Variants in PLXDC2 observed in about 807,000 individuals in gnomAD.
The protein encoded by PLXDC2 is plexin domain-containing protein 2.
In PLXDC2, 40 loss-of-function variants were observed where a neutral mutation model predicts 68.9. That is an observed-to-expected ratio of 0.58 (90% CI 0.45 to 0.76). The LOEUF is 0.76. Among genes scored for constraint, PLXDC2 ranks in the 30% least tolerant of loss-of-function variants. The pLI, the probability that PLXDC2 is intolerant of heterozygous loss-of-function variation, is 0.00. For missense variants in PLXDC2, 644 were observed against 661.9 expected (o/e 0.97, Z 0.30); for synonymous variants, 243 against 234.2 (o/e 1.04, Z -0.34).
At chr10:20,071,442 A>C (rs1374441490) in intron 4 of PLXDC2, among the ~76,000 whole-genome samples, 1 of 152,196 alleles carries the variant, frequency 6.6e-6, no homozygotes, top group Non-Finnish European at 1.5e-5. Context: ...AGGTAATTGA[A>C]TCATGGGGGC....
intron 7 of PLXDC2, 124 bp downstream of exon 7, chr10:20,164,691 T>C (rs1357637595): frequency 1.4e-6 from 1 of 737,208 alleles, no homozygotes; most frequent in Non-Finnish European, 2.4e-6. Context: ...TGATTAATGC[T>C]TGTTAATTCT....
chr10:19,857,324 C>A (rs1373551758), intron 1 of PLXDC2, among the ~76,000 whole-genome samples: 1 of 152,154 alleles, frequency 6.6e-6, no homozygotes, highest in African/African-American at 2.4e-5. Flanking sequence ...TCTCGCTGTC[C>A]TCTACATCTG....
intron 9 of PLXDC2, among the ~76,000 whole-genome samples, chr10:20,191,418 A>G (rs1443358159): frequency 6.6e-6 from 1 of 151,752 alleles, no homozygotes; most frequent in Non-Finnish European, 1.5e-5. Context: ...TTCTAATGAT[A>G]GGTTTTCTTA....
intron 3 of PLXDC2, among the ~76,000 whole-genome samples, chr10:20,055,160 T>G (rs1835974693): frequency 6.6e-6 from 1 of 152,066 alleles, no homozygotes; most frequent in Non-Finnish European, 1.5e-5. Context: ...ACTTTTTATG[T>G]GTTGATTGTT....
At chr10:19,986,325 G>A (rs1432264888) in intron 1 of PLXDC2, among the ~76,000 whole-genome samples, 1 of 151,996 alleles carries the variant, frequency 6.6e-6, no homozygotes, top group Non-Finnish European at 1.5e-5. Context: ...TTAGAAACTG[G>A]AATTTACATA....
Position 19,816,887 on chromosome 10 carries a change from G to C in PLXDC2, c.-193G>C, listed in dbSNP as rs1036989727. ...AGAGAGCCTCAGAGGTCCGAAGAGC[G>C]CTGCGCTCCTACTCGCGTTCGCTTC... is the stretch of plus-strand genomic sequence containing the variant. On this transcript the variant is annotated 5_prime_UTR_variant, in exon 1 of 14. Transcript: ENST00000377252. 3.3e-6 allele frequency: 2 copies of C among 598,516 alleles called. No individual in the cohort carries two copies. Among genetic ancestry groups the C allele is most frequent in the Non-Finnish European group, 5.9e-6 (2 of 336,588 alleles). 37.1% of individuals were successfully genotyped at this position (598,516 alleles called of 1,614,324 possible). A position where few individuals can be genotyped will look rare whatever the true frequency, so the allele number is the denominator to read the frequency against.
chr10:19,999,394 T>G (rs1025086751), intron 1 of PLXDC2, among the ~76,000 whole-genome samples: 3 of 152,204 alleles, frequency 2.0e-5, no homozygotes, highest in South Asian at 4.1e-4. Flanking sequence ...GTGTTTGTTT[T>G]TTTTTTTTCT....
At position 20,286,059 on chromosome 10, in the gene PLXDC2, A is replaced by T. The variant is rs1481098945; in HGVS notation, c.*6240A>T. 4 of 152,232 alleles carry T rather than the reference A, an allele frequency of 2.6e-5. No individual in the cohort carries two copies. The East Asian group carries it at 7.7e-4, about 29-fold the overall frequency. The allele number at this position is 152,232 out of a possible 1,614,324, so 9.4% of individuals were successfully genotyped here. A position where few individuals can be genotyped will look rare whatever the true frequency, so the allele number is the denominator to read the frequency against. ...AGTAAAATGGTAATTATTCAAGTAAAGTCACATAATTTCTGGAGTCAGTTT... is the reference window on the plus strand; with the variant it reads ...AGTAAAATGGTAATTATTCAAGTAATGTCACATAATTTCTGGAGTCAGTTT... On this transcript the variant is annotated 3_prime_UTR_variant, in exon 14 of 14. Coordinates refer to ENST00000377252, the MANE Select transcript of PLXDC2 (RefSeq NM_032812.9).
At chr10:20,111,760 G>A (rs1218788909) in intron 4 of PLXDC2, among the ~76,000 whole-genome samples, 1 of 152,160 alleles carries the variant, frequency 6.6e-6, no homozygotes, top group Non-Finnish European at 1.5e-5. Flanking sequence ...CAGAGGACAA[G>A]TATTTTGAGA....
intron 1 of PLXDC2, among the ~76,000 whole-genome samples, chr10:19,844,987 A>G (rs1836979496): frequency 6.6e-6 from 1 of 152,172 alleles, no homozygotes; most frequent in South Asian, 2.1e-4. Context: ...TAATTGTACA[A>G]GAAAATATCT....
At chr10:20,072,117 T>G (rs1010487822) in intron 4 of PLXDC2, among the ~76,000 whole-genome samples, 5 of 151,544 alleles carry the variant, frequency 3.3e-5, no homozygotes, top group Admixed American at 2.0e-4. Flanking sequence ...GAGGCCGAGG[T>G]GGGCGGATCA....
At chr10:20,026,155 T>G (rs1835398526) in intron 2 of PLXDC2, among the ~76,000 whole-genome samples, 1 of 129,166 alleles carries the variant, frequency 7.7e-6, no homozygotes, top group Admixed American at 8.0e-5. Flanking sequence ...TAGATTATGT[T>G]ATTAAGGTTT....
rs1445884428 is a variant in PLXDC2 at position 20,044,209 on chromosome 10, CTGTCTTTCTTTCTT to C, written c.325-2658_325-2645del. 5.4e-3 allele frequency among the ~76,000 whole-genome samples: 499 copies of C among 91,568 alleles called. 11 individuals carry two copies. Among genetic ancestry groups the C allele is most frequent in the African/African-American group, 0.012 (247 of 20,594 alleles). The allele number at this position is 91,568 out of a possible 152,430, so 60.1% of individuals were successfully genotyped here. ...TCTTTCTTTCTCTCTCTCTCTCTCT[CTGTCTTTCTTTCTT>C]TCTTTCTTTCTTTCTTTCTTTCTTT... On this transcript the variant is annotated intron_variant, in intron 2 of 13. Transcript: ENST00000377252.
chr10:19,879,465 C>G (rs967675980), intron 1 of PLXDC2, among the ~76,000 whole-genome samples: 8 of 152,004 alleles, frequency 5.3e-5, no homozygotes, highest in African/African-American at 1.9e-4. Flanking sequence ...CAAATTGTGC[C>G]ATTATTTATT....
At chr10:19,877,377 A>G (rs1377726679) in intron 1 of PLXDC2, among the ~76,000 whole-genome samples, 2 of 152,216 alleles carry the variant, frequency 1.3e-5, no homozygotes, top group Non-Finnish European at 2.9e-5. Flanking sequence ...CTTCGCCCCC[A>G]TAACTCAGTC....
At chr10:20,111,049 C>T (rs1194371846) in intron 4 of PLXDC2, among the ~76,000 whole-genome samples, 1 of 152,152 alleles carries the variant, frequency 6.6e-6, no homozygotes, top group South Asian at 2.1e-4. Context: ...TTCTCTCCTG[C>T]CTAGTTATAC....
At chr10:20,092,921 C>T (rs1833299260) in intron 4 of PLXDC2, among the ~76,000 whole-genome samples, 1 of 152,132 alleles carries the variant, frequency 6.6e-6, no homozygotes, top group Non-Finnish European at 1.5e-5. Context: ...AACACATTCT[C>T]TCCTAGAACT....
chr10:20,127,040 C>G (rs1833802004), intron 4 of PLXDC2, among the ~76,000 whole-genome samples: 1 of 151,088 alleles, frequency 6.6e-6, no homozygotes, highest in African/African-American at 2.4e-5. Flanking sequence ...CAATTAAAAC[C>G]CAAAGCATCT....
intron 4 of PLXDC2, among the ~76,000 whole-genome samples, chr10:20,108,830 G>C (rs989995342): frequency 6.6e-6 from 1 of 152,084 alleles, no homozygotes; most frequent in Admixed American, 6.6e-5. Flanking sequence ...TATCAAGTTT[G>C]TAATAGATAC....
Sources: gnomAD v4.1 joint callset for allele counts (sites outside exome capture counted in the v4.1 genomes callset) on GRCh38, gnomAD v4.1.1 for gene constraint, MANE v1.5 for transcripts, NCBI Gene and HGNC (gene_info 2026-07-23, HGNC 2026-07-21) for gene names.